The following DPP6 variants were observed in gnomAD, a reference collection of about 807,000 sequenced individuals.
The protein encoded by DPP6 is A-type potassium channel modulatory protein DPP6.
In DPP6, 69 loss-of-function variants were observed where a neutral mutation model predicts 122.6. That is an observed-to-expected ratio of 0.56 (90% CI 0.46 to 0.69). The LOEUF is 0.69. DPP6 is among the 30% of genes least tolerant of loss of function. The pLI, the probability that DPP6 is intolerant of heterozygous loss-of-function variation, is 0.00. For missense variants in DPP6, 928 were observed against 1,116.9 expected (o/e 0.83, Z 2.41); for synonymous variants, 418 against 433.1 (o/e 0.97, Z 0.43).
chr7:154,211,695 T>TGCG, intron 1 of DPP6, among the ~76,000 whole-genome samples: 1 of 152,300 alleles, frequency 6.6e-6, no homozygotes, highest in South Asian at 2.1e-4. Context: ...GGCATTGGTC[T>TGCG]GCGGAAACTG....
At chr7:154,829,887 C>A (rs2030792) in intron 16 of DPP6, among the ~76,000 whole-genome samples, 110,979 of 151,932 alleles carry the variant, frequency 0.73, 41,558 homozygotes, top group Non-Finnish European at 0.83. Context: ...GTCAGCCTTC[C>A]AGAAGTGCCT....
chr7:154,198,942 T>C (rs4074816), intron 1 of DPP6, among the ~76,000 whole-genome samples: 115,564 of 151,812 alleles, frequency 0.76, 45,184 homozygotes, highest in Non-Finnish European at 0.85. Flanking sequence ...CTATAGCCCA[T>C]GAACACAATC....
chr7:154,053,224 CGCGGTCA>C (rs1800529100), intron 1 of DPP6, among the ~76,000 whole-genome samples, 161 bp downstream of exon 1: 1 of 50 alleles, frequency 0.02, no homozygotes, highest in Non-Finnish European at 0.05. Flanking sequence ...GGCGCCAGAT[CGCGGTCA>C]CCGCGTCCCG....
chr7:154,149,734 T>C (rs1796314297), intron 1 of DPP6, among the ~76,000 whole-genome samples: 1 of 152,152 alleles, frequency 6.6e-6, no homozygotes, highest in Non-Finnish European at 1.5e-5. Flanking sequence ...CCAAATGTTA[T>C]AGGGGAAGTT....
Position 154,313,685 on chromosome 7 carries a change from G to GTGTGTGTGTGTGTATATATATATA in DPP6, c.244-132528_244-132527insGTGTGTGTGTGTATATATATATAT. On this transcript the variant is annotated intron_variant, in intron 1 of 25. Transcript: ENST00000377770. ...AAGCAACAAGATATTTTAAGATATG[G>GTGTGTGTGTGTGTATATATATATA]TATATATATATATATATATATATAT... Among the ~76,000 whole-genome samples, 33 of 20,476 alleles carry GTGTGTGTGTGTGTATATATATATA rather than the reference G, an allele frequency of 1.6e-3. 2 individuals are homozygous for GTGTGTGTGTGTGTATATATATATA. Among genetic ancestry groups the GTGTGTGTGTGTGTATATATATATA allele is most frequent in the East Asian group, 3.3e-3 (1 of 306 alleles). The allele number at this position is 20,476 out of a possible 152,430, so 13.4% of individuals were successfully genotyped here.
At chr7:154,127,368 G>A (rs1241598391) in intron 1 of DPP6, among the ~76,000 whole-genome samples, 1 of 152,066 alleles carries the variant, frequency 6.6e-6, no homozygotes, top group African/African-American at 2.4e-5. Flanking sequence ...GGCATTTTAG[G>A]TATAGATTAA....
In DPP6 at chr7:154,760,812, T is replaced by C. The variant is rs1477919678; in HGVS notation, c.884-8605T>C. On this transcript the variant is annotated intron_variant, in intron 8 of 25. Coordinates refer to ENST00000377770, the MANE Select transcript of DPP6 (RefSeq NM_130797.4). This position sits in a 1 kb window ranked among gnomAD's most constrained non-coding sequence, Gnocchi z 4.5. Reference sequence around the variant, plus strand: ...AGAAGGGTAAAGGAGCCTGGCATACTGGCTCAGCCTTCCTCTTTCAAAACT... The same window carrying C: ...AGAAGGGTAAAGGAGCCTGGCATACCGGCTCAGCCTTCCTCTTTCAAAACT... 6.7e-6 allele frequency among the ~76,000 whole-genome samples: 1 copy of C among 149,496 alleles called. No homozygotes were observed. Among genetic ancestry groups the C allele is most frequent in the Non-Finnish European group, 1.5e-5 (1 of 67,660 alleles).
At chr7:154,206,915 C>T (rs1799478174) in intron 1 of DPP6, among the ~76,000 whole-genome samples, 1 of 152,200 alleles carries the variant, frequency 6.6e-6, no homozygotes, top group Non-Finnish European at 1.5e-5. Context: ...AGTCTTCTTT[C>T]AGACATGAGG....
chr7:154,349,640 G>C (rs1327898508), intron 1 of DPP6, among the ~76,000 whole-genome samples: 1 of 152,182 alleles, frequency 6.6e-6, no homozygotes, highest in Admixed American at 6.6e-5. Flanking sequence ...CCTGGAGATT[G>C]TTGTGAATTA....
chr7:154,026,078 T>A (rs1385595609), intron 1 of DPP6, among the ~76,000 whole-genome samples: 1 of 148,776 alleles, frequency 6.7e-6, no homozygotes, highest in Non-Finnish European at 1.5e-5. Context: ...CAATGTAATT[T>A]ATGTATGGTG....
At chr7:154,057,062 C>A (rs61018895) in intron 1 of DPP6, among the ~76,000 whole-genome samples, 2,405 of 152,312 alleles carry the variant, frequency 0.016, 55 homozygotes, top group African/African-American at 0.054. Context: ...ATGTTGCCCT[C>A]TCTTGATCCC....
chr7:154,641,135 C>A (rs1015174069), intron 6 of DPP6, among the ~76,000 whole-genome samples: 2 of 152,194 alleles, frequency 1.3e-5, no homozygotes, highest in African/African-American at 2.4e-5. Flanking sequence ...CTTCCTTCCT[C>A]CGATGGCTGT....
rs114012491 is a variant in DPP6, at chr7:153,992,766, G to T, written c.51+105032G>T. ...GCAATTGACACTATGACTAAATGGG[G>T]TACTTGCTCTTCCTCCAAAAAAGCT... On this transcript the variant is annotated intron_variant, in intron 1 of 25. Coordinates refer to the DPP6 transcript ENST00000404039. 2.1e-3 allele frequency among the ~76,000 whole-genome samples: 321 copies of T among 152,262 alleles called. 1 individual carries two copies. Among genetic ancestry groups the T allele is most frequent in the African/African-American group, 7.2e-3 (297 of 41,532 alleles).
At chr7:154,538,699 A>G (rs555794393) in intron 3 of DPP6, among the ~76,000 whole-genome samples, 2 of 151,718 alleles carry the variant, frequency 1.3e-5, no homozygotes, top group South Asian at 4.1e-4. Flanking sequence ...AACAAACTTA[A>G]GTGCTTTCTA....
At position 153,946,727 on chromosome 7, in the gene DPP6, A is replaced by G. The variant is rs564115197; in HGVS notation, c.51+58993A>G. ...ATAGCTGAGCATTAAGTACCATAGC[A>G]GTTTGGATAAGTGGGAAGTAATTGA... is the stretch of plus-strand genomic sequence containing the variant. On this transcript the variant is annotated intron_variant, in intron 1 of 25. Transcript: ENST00000404039. Among the ~76,000 whole-genome samples the G allele has an allele frequency of 2.2e-4, 34 of 152,210 alleles. 1 individual carries two copies. The East Asian group carries it at 6.6e-3, about 29-fold the overall frequency.
intron 5 of DPP6, among the ~76,000 whole-genome samples, chr7:154,597,206 A>T (rs901747941): frequency 3.3e-5 from 5 of 151,936 alleles, no homozygotes; most frequent in Middle Eastern, 3.4e-3. Flanking sequence ...ACAGAGAAGG[A>T]GAGAAGACAG....
At chr7:153,936,068 C>T (rs1266796538) in intron 1 of DPP6, among the ~76,000 whole-genome samples, 1 of 152,170 alleles carries the variant, frequency 6.6e-6, no homozygotes, top group Non-Finnish European at 1.5e-5. Context: ...GGTGCAGTTC[C>T]CTTAAGGGGG....
chr7:154,220,984 A>G (rs368552188), intron 1 of DPP6, among the ~76,000 whole-genome samples: 1 of 152,156 alleles, frequency 6.6e-6, no homozygotes, highest in Non-Finnish European at 1.5e-5. Flanking sequence ...ATATGTGTGG[A>G]TAACATGTAC....
At chr7:154,615,070 C>G (rs747562) in intron 5 of DPP6, among the ~76,000 whole-genome samples, 61,680 of 151,926 alleles carry the variant, frequency 0.41, 13,452 homozygotes, top group East Asian at 0.64. Flanking sequence ...TTTTCTGGGG[C>G]TGTTTTGATT....
Sources: gnomAD v4.1 joint callset for allele counts (sites outside exome capture counted in the v4.1 genomes callset) on GRCh38, gnomAD v4.1.1 for gene constraint, Gnocchi (gnomAD v3.1) non-coding constraint, MANE v1.5 for transcripts, NCBI Gene and HGNC (gene_info 2026-07-23, HGNC 2026-07-21) for gene names.